Variants in FBXO34 observed in about 807,000 individuals in gnomAD.
FBXO34 encodes the protein F-box protein 34.
A neutral mutation model predicts 24.5 loss-of-function variants in FBXO34; 12 were observed. The ratio of observed to expected loss-of-function variants is 0.49; its 90% CI spans 0.31 to 0.79. The LOEUF (loss-of-function observed/expected upper bound fraction) is 0.79. FBXO34 is among the 30% of genes least tolerant of loss of function. The pLI, the probability that FBXO34 is intolerant of heterozygous loss-of-function variation, is 0.04. For missense variants in FBXO34, 823 were observed against 857.7 expected (o/e 0.96, Z 0.51); for synonymous variants, 320 against 311.9 (o/e 1.03, Z -0.27).
intron 1 of FBXO34, among the ~76,000 whole-genome samples, chr14:55,289,861 A>G (rs8010853): frequency 6.6e-6 from 1 of 151,134 alleles, no homozygotes; most frequent in Non-Finnish European, 1.5e-5. Flanking sequence ...TCTACCTTTA[A>G]AAAAAAAAAC....
At chr14:55,338,062 T>TTTTTTTTTTTTTTTTTTTTC (rs1883850342) in intron 1 of FBXO34, among the ~76,000 whole-genome samples, 1 of 135,114 alleles carries the variant, frequency 7.4e-6, no homozygotes, top group Non-Finnish European at 1.6e-5. Flanking sequence ...TTTTTTTTTT[T>TTTTTTTTTTTTTTTTTTTTC]TTTTTGAGAT....
At chr14:55,383,832 A>C in the FBXO34 span, among the ~76,000 whole-genome samples, 2 of 152,186 alleles carry the variant, frequency 1.3e-5, no homozygotes, top group African/African-American at 4.8e-5. Flanking sequence ...AGAACATAGC[A>C]TGCTTGGGGA....
At chr14:55,281,520 G>C (rs1355362665) in intron 1 of FBXO34, among the ~76,000 whole-genome samples, 3 of 152,162 alleles carry the variant, frequency 2.0e-5, no homozygotes, top group Admixed American at 6.5e-5. Flanking sequence ...ACCTGCTCTA[G>C]GTTTAGACGT....
the FBXO34 span, among the ~76,000 whole-genome samples, chr14:55,436,379 G>A: frequency 1.1e-4 from 17 of 152,296 alleles, no homozygotes; most frequent in South Asian, 1.7e-3. Flanking sequence ...TCAAGAATTA[G>A]TGCTTTGCCT....
the FBXO34 span, among the ~76,000 whole-genome samples, chr14:55,397,812 T>C: frequency 2.6e-5 from 4 of 152,192 alleles, no homozygotes; most frequent in Non-Finnish European, 5.9e-5. Context: ...CTCTCTCCTA[T>C]AAACTGATTC....
At chr14:55,376,907 A>G in the FBXO34 span, among the ~76,000 whole-genome samples, 1 of 152,236 alleles carries the variant, frequency 6.6e-6, no homozygotes, top group African/African-American at 2.4e-5. Flanking sequence ...TCATGGGCTG[A>G]GAGAATAAAA....
In FBXO34 at chr14:55,352,636, C is replaced by T. The variant is rs552238438; in HGVS notation, c.*110C>T. 5.0e-4 allele frequency: 452 copies of T among 904,644 alleles called. No individual in the cohort carries two copies. Among genetic ancestry groups the T allele is most frequent in the Non-Finnish European group, 7.0e-4 (422 of 604,106 alleles). The allele number at this position is 904,644 out of a possible 1,614,324, so 56.0% of individuals were successfully genotyped here. On this transcript the variant is annotated 3_prime_UTR_variant, in exon 2 of 2. Transcript: ENST00000313833. ...AGTCATCACTCTAGAAGAATCTGTA[C>T]ATCATCAGGACTGCATTGCTCAGGC... is the stretch of plus-strand genomic sequence containing the variant.
At chr14:55,293,317 A>G (rs1224171831) in intron 1 of FBXO34, among the ~76,000 whole-genome samples, 1 of 152,116 alleles carries the variant, frequency 6.6e-6, no homozygotes, top group African/African-American at 2.4e-5. Flanking sequence ...AGCTGGGATT[A>G]CAGGTGTGTG....
intron 1 of FBXO34, chr14:55,326,020 G>T (rs1883330760): frequency 6.6e-6 from 1 of 152,132 alleles, no homozygotes; most frequent in Non-Finnish European, 1.5e-5. Flanking sequence ...CTGGTCCATT[G>T]GTTTCAGGAT....
At chr14:55,293,742 C>G (rs1023195349) in intron 1 of FBXO34, among the ~76,000 whole-genome samples, 1 of 151,796 alleles carries the variant, frequency 6.6e-6, no homozygotes, top group African/African-American at 2.4e-5. Flanking sequence ...CTGTCATGTT[C>G]TTTTCTGTAT....
At chr14:55,347,558 G>A (rs1421895559) in intron 1 of FBXO34, among the ~76,000 whole-genome samples, 1 of 152,120 alleles carries the variant, frequency 6.6e-6, no homozygotes, top group Admixed American at 6.5e-5. Context: ...TCTTTCAGGG[G>A]TCTCACAGAA....
At chr14:55,433,994 T>C in the FBXO34 span, among the ~76,000 whole-genome samples, 1 of 152,240 alleles carries the variant, frequency 6.6e-6, no homozygotes. Context: ...TTGTGTTTAT[T>C]ATCCTCATTT....
chr14:55,410,544 A>G, the FBXO34 span, among the ~76,000 whole-genome samples: 2 of 152,240 alleles, frequency 1.3e-5, no homozygotes, highest in African/African-American at 4.8e-5. Context: ...CCTCCTCAAA[A>G]GAGAAAGGAA....
Position 55,351,926 on chromosome 14 carries a change from A to G in FBXO34, c.1536A>G (p.Glu512=), listed in dbSNP as rs185598874. 2 of 1,614,168 alleles carry G rather than the reference A, an allele frequency of 1.2e-6. No individual in the cohort carries two copies. The highest frequency in any genetic ancestry group is 3.3e-5 in the Admixed American group (2 of 60,032). ...TKESSEASQL[E]DAAGGDSASE... is the part of the protein sequence containing the mutation. ...AGTCTTCAGAGGCCAGCCAGCTTGA[A>G]GATGCTGCTGGGGGTGACAGTGCAT... Residue 512 remains glutamate (E), a synonymous_variant, in exon 2 of 2, where the codon GAA becomes GAG. Coordinates refer to ENST00000313833, the MANE Select transcript of FBXO34 (RefSeq NM_017943.4).
At chr14:55,399,993 A>C in the FBXO34 span, among the ~76,000 whole-genome samples, 4 of 152,266 alleles carry the variant, frequency 2.6e-5, no homozygotes, top group African/African-American at 9.6e-5. Context: ...TAGTGTATCA[A>C]ATATTGAAAG....
chr14:55,314,930 C>T (rs1236245826), intron 1 of FBXO34, among the ~76,000 whole-genome samples: 2 of 152,154 alleles, frequency 1.3e-5, no homozygotes, highest in Admixed American at 6.5e-5. Context: ...TTGCATTTAC[C>T]TCCATGTTCT....
chr14:55,354,852 A>G (rs1400331710), downstream of FBXO34, among the ~76,000 whole-genome samples: 1 of 152,134 alleles, frequency 6.6e-6, no homozygotes, highest in African/African-American at 2.4e-5. Flanking sequence ...TGTCTCCAGT[A>G]GTGTGCCGCA....
the FBXO34 span, chr14:55,435,872 G>A: frequency 1.9e-6 from 3 of 1,567,982 alleles, no homozygotes; most frequent in East Asian, 7.1e-5. Context: ...TGCATTTTTT[G>A]CATGCAAAGC....
chr14:55,380,492 G>T, the FBXO34 span: 13 of 862,870 alleles, frequency 1.5e-5, no homozygotes, highest in East Asian at 2.3e-4. Context: ...TCTTATTTTT[G>T]GTTTATTGGA....
Sources: gnomAD v4.1 joint callset for allele counts (sites outside exome capture counted in the v4.1 genomes callset) on GRCh38, gnomAD v4.1.1 for gene constraint, MANE v1.5 for transcripts, NCBI Gene and HGNC (gene_info 2026-07-23, HGNC 2026-07-21) for gene names.